CLIP2: variants seen among roughly 807,000 people sequenced by gnomAD.
CLIP2 encodes CAP-Gly domain-containing linker protein 2.
CLIP2 carries 41 observed loss-of-function variants against 111.7 expected under a neutral mutation model. The observed-to-expected ratio is 0.37, with a 90% CI of 0.29 to 0.48. The LOEUF is 0.48. Among genes scored for constraint, CLIP2 ranks in the 20% least tolerant of loss-of-function variants. CLIP2 has a pLI of 0.99. For synonymous variants in CLIP2, 660 were observed against 644.2 expected (o/e 1.02, Z -0.37); for missense variants, 1,160 against 1,422.1 (o/e 0.82, Z 2.96).
intron 2 of CLIP2, among the ~76,000 whole-genome samples, chr7:74,321,407 A>T (rs1788948765): frequency 6.6e-6 from 1 of 152,142 alleles, no homozygotes; most frequent in African/African-American, 2.4e-5. Flanking sequence ...TATTGCCGAC[A>T]TTGGCAGTTC....
chr7:74,348,726 G>C (rs1202235315), intron 3 of CLIP2, among the ~76,000 whole-genome samples: 2 of 148,310 alleles, frequency 1.3e-5, no homozygotes, highest in Non-Finnish European at 3.0e-5. Flanking sequence ...GGAGGCGGAG[G>C]TTGCAGTGAG....
intron 11 of CLIP2, among the ~76,000 whole-genome samples, chr7:74,384,057 T>C (rs1019239047): frequency 6.6e-6 from 1 of 152,052 alleles, no homozygotes; most frequent in Admixed American, 6.6e-5. Flanking sequence ...GGCGTGGTGG[T>C]GTGCGCCTGG....
intron 11 of CLIP2, among the ~76,000 whole-genome samples, chr7:74,385,737 C>CTTTT (rs869087670): frequency 2.0e-4 from 24 of 117,670 alleles, no homozygotes; most frequent in Non-Finnish European, 3.2e-4. Flanking sequence ...GTCGGGTCTT[C>CTTTT]TTTTTTTTTT....
intron 1 of CLIP2, among the ~76,000 whole-genome samples, chr7:74,305,093 A>G (rs954460924): frequency 2.0e-5 from 3 of 150,334 alleles, no homozygotes; most frequent in South Asian, 2.1e-4. Context: ...AGGCAGGCCA[A>G]TTGCCAGGGA....
chr7:74,350,144 C>T (rs502161), intron 3 of CLIP2, among the ~76,000 whole-genome samples: 94,131 of 151,880 alleles, frequency 0.62, 30,559 homozygotes, highest in Middle Eastern at 0.74. Context: ...ACCTCCGCCT[C>T]CTGGGTTCAA....
In CLIP2 at chr7:74,330,248, CT is replaced by C. The variant is rs10635770; in HGVS notation, c.122-8186del. Reference sequence around the variant, plus strand: ...CTAGCTTCCTCTTGGTGTTTCTTTTCTTTTTTTTTTTTTTCTTTCTTTTTTG... The same window carrying C: ...CTAGCTTCCTCTTGGTGTTTCTTTTCTTTTTTTTTTTTTCTTTCTTTTTTG... On this transcript the variant is annotated intron_variant, in intron 2 of 16. Coordinates refer to ENST00000223398, the MANE Select transcript of CLIP2 (RefSeq NM_003388.5). Among the ~76,000 whole-genome samples the C allele has an allele frequency of 6.6e-3, 895 of 136,424 alleles. 10 individuals are homozygous for C. Among genetic ancestry groups the C allele is most frequent in the African/African-American group, 0.021 (794 of 37,600 alleles). 89.5% of individuals were successfully genotyped at this position (136,424 alleles called of 152,430 possible).
intron 3 of CLIP2, among the ~76,000 whole-genome samples, chr7:74,340,090 T>C (rs797043497): frequency 3.3e-5 from 5 of 150,586 alleles, no homozygotes; most frequent in African/African-American, 1.2e-4. Context: ...CCAGACCCTG[T>C]TTCAATAATA....
chr7:74,368,482 A>C (rs948260893), intron 8 of CLIP2, among the ~76,000 whole-genome samples: 5 of 152,008 alleles, frequency 3.3e-5, no homozygotes, highest in Non-Finnish European at 7.4e-5. Context: ...GCGTCATTGC[A>C]CTCCAGCCTA....
intron 14 of CLIP2, 67 bp downstream of exon 14, chr7:74,397,300 G>C: frequency 2.0e-6 from 3 of 1,526,040 alleles, no homozygotes; most frequent in South Asian, 2.4e-5. Context: ...TAGCCTTGCT[G>C]TCAGGCCATG....
chr7:74,342,760 C>T (rs1554305591), intron 3 of CLIP2, among the ~76,000 whole-genome samples: 1 of 152,040 alleles, frequency 6.6e-6, no homozygotes, highest in Non-Finnish European at 1.5e-5. Flanking sequence ...CTGAAAAATA[C>T]ATGGTGGCCG....
chr7:74,373,803 C>T (rs782206357), intron 9 of CLIP2, among the ~76,000 whole-genome samples: 11 of 152,040 alleles, frequency 7.2e-5, no homozygotes, highest in South Asian at 2.1e-4. Flanking sequence ...GATCTCTTCC[C>T]GGTTTCTCTG....
At chr7:74,297,035 C>G (rs1372880526) in intron 1 of CLIP2, among the ~76,000 whole-genome samples, 1 of 152,188 alleles carries the variant, frequency 6.6e-6, no homozygotes, top group South Asian at 2.1e-4. Context: ...ACACAGGTAT[C>G]TGGGCTCCTG....
chr7:74,357,230 T>A (rs782478549), intron 5 of CLIP2, 50 bp from the exon 6 acceptor site: 2 of 1,546,984 alleles, frequency 1.3e-6, no homozygotes, highest in Non-Finnish European at 8.9e-7. Flanking sequence ...CAGTCTGCCC[T>A]GCAGTGCTTC....
rs1256850336 is a variant in CLIP2 at position 74,354,022 on chromosome 7, TG to T, written c.803+22del. The T allele has an allele frequency of 6.3e-7, 1 of 1,598,916 alleles. No individual in the cohort carries two copies. The highest frequency in any genetic ancestry group is 8.5e-7 in the Non-Finnish European group (1 of 1,170,652). ...GGCACCAGGTATGGTGGGCTTCTTC[TG>T]GGGAGTATGGGAGGGGGCTCCTCTC... On this transcript the variant is annotated intron_variant, in intron 4 of 16. Transcript: ENST00000223398.
intron 1 of CLIP2, among the ~76,000 whole-genome samples, chr7:74,300,600 C>T (rs561920955): frequency 5.1e-4 from 78 of 152,062 alleles, no homozygotes; most frequent in African/African-American, 1.7e-3. Context: ...GGACTACCGG[C>T]GCCCGCCACC....
At chr7:74,365,661 T>C (rs1188476265) in intron 8 of CLIP2, among the ~76,000 whole-genome samples, 2 of 152,172 alleles carry the variant, frequency 1.3e-5, no homozygotes, top group Non-Finnish European at 2.9e-5. Context: ...GAATTCCCCA[T>C]GCAACGTTTT....
chr7:74,349,459 T>TGG, intron 3 of CLIP2, among the ~76,000 whole-genome samples: 2 of 74,750 alleles, frequency 2.7e-5, no homozygotes, highest in Non-Finnish European at 2.7e-5. Context: ...TATGTATGTG[T>TGG]GTGTGTGTGT....
At chr7:74,390,199 AAGAAAG>A (rs1261369421) in intron 13 of CLIP2, among the ~76,000 whole-genome samples, 1 of 103,098 alleles carries the variant, frequency 9.7e-6, no homozygotes, top group Non-Finnish European at 2.3e-5. Context: ...GAAAGAAAGA[AAGAAAG>A]AAAGAAAGAA....
intron 8 of CLIP2, 75 bp downstream of exon 8, chr7:74,364,390 G>A (rs1790417730): frequency 7.4e-7 from 1 of 1,353,944 alleles, no homozygotes. Flanking sequence ...ATGGTTGTGA[G>A]GTCCAGCAGC....
Sources: gnomAD v4.1 joint callset for allele counts (sites outside exome capture counted in the v4.1 genomes callset) on GRCh38, gnomAD v4.1.1 for gene constraint, MANE v1.5 for transcripts, NCBI Gene and HGNC (gene_info 2026-07-23, HGNC 2026-07-21) for gene names.